The following SOX5 variants were observed in gnomAD, a reference collection of about 807,000 sequenced individuals.
SOX5 encodes the protein transcription factor SOX-5.
Under a neutral mutation model 92.0 loss-of-function variants are expected in SOX5, and 9 were observed. That is an observed-to-expected ratio of 0.10 (90% CI 0.06 to 0.17). The LOEUF is 0.17. Among genes scored for constraint, SOX5 ranks in the 10% least tolerant of loss-of-function variants. The probability of loss-of-function intolerance (pLI) is 1.00; values close to 1 mark genes in which losing one functional copy is unlikely to be tolerated. For synonymous variants in SOX5, 344 were observed against 336.3 expected (o/e 1.02, Z -0.25); for missense variants, 642 against 944.5 (o/e 0.68, Z 4.20).
At chr12:23,929,928 C>T (rs2139160341) in intron 1 of SOX5, among the ~76,000 whole-genome samples, 1 of 151,956 alleles carries the variant, frequency 6.6e-6, no homozygotes, top group Admixed American at 6.6e-5. Context: ...TTTAGCATCT[C>T]CATTTAATAA....
At chr12:24,517,673 T>C (rs1362657383) in intron 1 of SOX5, among the ~76,000 whole-genome samples, 1 of 150,952 alleles carries the variant, frequency 6.6e-6, no homozygotes, top group Non-Finnish European at 1.5e-5. Flanking sequence ...TGAAACATAA[T>C]TCTGTCAAAG....
At chr12:24,019,498 T>C (rs1954052048) in intron 4 of SOX5, among the ~76,000 whole-genome samples, 1 of 152,238 alleles carries the variant, frequency 6.6e-6, no homozygotes, top group Non-Finnish European at 1.5e-5. Flanking sequence ...GTTATTTGTT[T>C]GTTGTTTGTT....
chr12:24,341,796 C>T (rs1363906398), intron 2 of SOX5, among the ~76,000 whole-genome samples: 1 of 152,164 alleles, frequency 6.6e-6, no homozygotes, highest in Non-Finnish European at 1.5e-5. Flanking sequence ...AAGATCCACC[C>T]ATGCAACACA....
chr12:24,111,665 A>C (rs1435138707), intron 4 of SOX5, among the ~76,000 whole-genome samples: 1 of 152,052 alleles, frequency 6.6e-6, no homozygotes, highest in East Asian at 1.9e-4. Context: ...ATGAATCACT[A>C]ATATTTTATT....
intron 2 of SOX5, among the ~76,000 whole-genome samples, chr12:24,292,945 G>A (rs1282022347): frequency 6.6e-6 from 1 of 152,174 alleles, no homozygotes; most frequent in Non-Finnish European, 1.5e-5. Context: ...TGAGTCGGCT[G>A]TAGGATTATT....
chr12:24,350,498 C>A (rs1312369709), intron 2 of SOX5, among the ~76,000 whole-genome samples: 2 of 152,108 alleles, frequency 1.3e-5, no homozygotes, highest in Non-Finnish European at 2.9e-5. Context: ...CACGTGCCAC[C>A]ATGCCCAGCT....
chr12:24,136,788 A>C (rs1950146198), intron 4 of SOX5, among the ~76,000 whole-genome samples: 2 of 152,240 alleles, frequency 1.3e-5, no homozygotes, highest in African/African-American at 4.8e-5. Context: ...CTTCGACTCC[A>C]AAAGTTGAAT....
intron 1 of SOX5, among the ~76,000 whole-genome samples, chr12:23,904,497 C>T (rs897884022): frequency 1.4e-4 from 22 of 152,110 alleles, no homozygotes; most frequent in Admixed American, 9.2e-4. Flanking sequence ...CTATGTATTT[C>T]ACCAGAGTAG....
At chr12:23,680,193 G>T (rs754624381) in intron 6 of SOX5, among the ~76,000 whole-genome samples, 7 of 151,484 alleles carry the variant, frequency 4.6e-5, no homozygotes, top group Non-Finnish European at 1.0e-4. Context: ...AGGTGTGGTG[G>T]CATATGTCTG....
intron 1 of SOX5, among the ~76,000 whole-genome samples, chr12:24,401,124 C>T (rs1055296684): frequency 6.6e-6 from 1 of 151,996 alleles, no homozygotes; most frequent in Non-Finnish European, 1.5e-5. Context: ...GAGGCTGAGG[C>T]GGGCAGATCA....
At chr12:24,247,445 G>A (rs1172403941) in intron 3 of SOX5, among the ~76,000 whole-genome samples, 1 of 152,014 alleles carries the variant, frequency 6.6e-6, no homozygotes, top group Non-Finnish European at 1.5e-5. Flanking sequence ...GTTAGAGAGA[G>A]AGTTGAGTTT....
intron 3 of SOX5, among the ~76,000 whole-genome samples, chr12:23,810,362 C>T (rs1211243951): frequency 6.6e-6 from 1 of 152,064 alleles, no homozygotes; most frequent in South Asian, 2.1e-4. Flanking sequence ...TACCAGTCCC[C>T]TTTAAAAAGC....
rs574258257 is a variant in SOX5 at position 23,571,771 on chromosome 12, A to G, written c.1342+3890T>C. Among the ~76,000 whole-genome samples the G allele has an allele frequency of 4.6e-5, 7 of 152,318 alleles. No individual in the cohort carries two copies. The South Asian group carries it at 1.5e-3, about 32-fold the overall frequency. On this transcript the variant is annotated intron_variant, in intron 10 of 14. Transcript: ENST00000451604. ...ACTGTCTACGCTCTGACAAAAAATTACTTCAAATCCCTAGGTAGACACACA... is the reference window on the plus strand; with the variant it reads ...ACTGTCTACGCTCTGACAAAAAATTGCTTCAAATCCCTAGGTAGACACACA...
At chr12:23,681,599 T>C (rs1176103274) in intron 6 of SOX5, among the ~76,000 whole-genome samples, 2 of 151,906 alleles carry the variant, frequency 1.3e-5, no homozygotes, top group African/African-American at 4.8e-5. Context: ...AAAGTATGTA[T>C]ATTAGAATTA....
At chr12:23,858,089 G>A (rs149977871) in intron 2 of SOX5, among the ~76,000 whole-genome samples, 18 of 140,434 alleles carry the variant, frequency 1.3e-4, no homozygotes, top group Admixed American at 5.1e-4. Context: ...GTGTGTGTGT[G>A]TATATGCAAG....
chr12:23,866,602 C>T (rs1297604907), intron 2 of SOX5, among the ~76,000 whole-genome samples: 2 of 152,166 alleles, frequency 1.3e-5, no homozygotes, highest in African/African-American at 2.4e-5. Flanking sequence ...GGAACTGAGC[C>T]TACAACGTCT....
chr12:24,342,497 C>T (rs1952692573), intron 2 of SOX5, among the ~76,000 whole-genome samples: 1 of 152,170 alleles, frequency 6.6e-6, no homozygotes, highest in Admixed American at 6.5e-5. Flanking sequence ...ATTTGCTATT[C>T]AAATCTTCCT....
intron 4 of SOX5, among the ~76,000 whole-genome samples, chr12:23,996,546 G>T (rs575887273): frequency 1.9e-4 from 29 of 152,082 alleles, no homozygotes; most frequent in South Asian, 4.1e-4. Flanking sequence ...GACAAAAGAT[G>T]AAAATAACCC....
intron 4 of SOX5, among the ~76,000 whole-genome samples, chr12:23,978,668 AT>A (rs965815360): frequency 1.9e-4 from 28 of 150,340 alleles, no homozygotes; most frequent in East Asian, 9.7e-4. Context: ...GGCAACTCAG[AT>A]TTTTTTTTTC....
Sources: gnomAD v4.1 joint callset for allele counts (sites outside exome capture counted in the v4.1 genomes callset) on GRCh38, gnomAD v4.1.1 for gene constraint, MANE v1.5 for transcripts, NCBI Gene and HGNC (gene_info 2026-07-23, HGNC 2026-07-21) for gene names.